PIK3C2G: variants seen among roughly 807,000 people sequenced by gnomAD.
PIK3C2G encodes the protein phosphatidylinositol 3-kinase C2 domain-containing subunit gamma.
A neutral mutation model predicts 181.1 loss-of-function variants in PIK3C2G; 168 were observed. That is an observed-to-expected ratio of 0.93 (90% CI 0.82 to 1.05). The LOEUF (loss-of-function observed/expected upper bound fraction) is 1.05, where lower values mean the gene tolerates loss of function less well. Ranked by LOEUF, PIK3C2G falls within the 50% of genes least tolerant of loss-of-function variation. The probability of loss-of-function intolerance (pLI) is 0.00; values close to 1 mark genes in which losing one functional copy is unlikely to be tolerated. For missense variants in PIK3C2G, 1,869 were observed against 1,732.8 expected, an observed-to-expected ratio of 1.08 and a Z score of -1.40; for synonymous variants, 573 against 592.2, an observed-to-expected ratio of 0.97 and a Z score of 0.47.
intron 1 of PIK3C2G, among the ~76,000 whole-genome samples, chr12:18,254,962 C>A (rs1426342790): frequency 6.6e-6 from 1 of 151,902 alleles, no homozygotes; most frequent in African/African-American, 2.4e-5. Context: ...GGCGCAGTGG[C>A]TCACCCCTGT....
intron 2 of PIK3C2G, chr12:18,285,292 A>G (rs1170758148): frequency 1.3e-5 from 2 of 152,112 alleles, no homozygotes; most frequent in East Asian, 3.9e-4. Context: ...CAAAAACAAA[A>G]TAAAGACATT....
chr12:18,278,177 TG>T (rs1469971707), intron 1 of PIK3C2G, among the ~76,000 whole-genome samples: 1 of 152,226 alleles, frequency 6.6e-6, no homozygotes, highest in Non-Finnish European at 1.5e-5. Context: ...GTTTCAGTTC[TG>T]TAAGTCAGAA....
At chr12:18,624,528 T>C (rs529018248) in intron 31 of PIK3C2G, among the ~76,000 whole-genome samples, 50 of 151,716 alleles carry the variant, frequency 3.3e-4, no homozygotes, top group African/African-American at 1.2e-3. Flanking sequence ...TCTCCCTATA[T>C]TGTAAGGGTA....
chr12:18,722,253 T>G, the PIK3C2G span, among the ~76,000 whole-genome samples: 1 of 152,164 alleles, frequency 6.6e-6, no homozygotes, highest in African/African-American at 2.4e-5. Flanking sequence ...AGCACTCTCT[T>G]AAGATATCCT....
chr12:18,386,963 C>T (rs533328354), intron 14 of PIK3C2G, among the ~76,000 whole-genome samples: 184 of 152,264 alleles, frequency 1.2e-3, no homozygotes, highest in African/African-American at 4.3e-3. Flanking sequence ...AATATAGCCA[C>T]ATACTTGCTG....
At chr12:18,272,954 G>A (rs868642550) in intron 1 of PIK3C2G, among the ~76,000 whole-genome samples, 1 of 151,594 alleles carries the variant, frequency 6.6e-6, no homozygotes, top group Non-Finnish European at 1.5e-5. Flanking sequence ...TTACTTCTAG[G>A]CCTTCCAAGG....
intron 18 of PIK3C2G, among the ~76,000 whole-genome samples, chr12:18,448,969 A>C (rs1269910107): frequency 1.3e-5 from 2 of 151,952 alleles, no homozygotes; most frequent in African/African-American, 4.8e-5. Flanking sequence ...TATCTCTACG[A>C]GGGGTTGACT....
At chr12:18,521,814 G>C (rs1159477009) in intron 24 of PIK3C2G, among the ~76,000 whole-genome samples, 2 of 152,248 alleles carry the variant, frequency 1.3e-5, no homozygotes, top group African/African-American at 4.8e-5. Flanking sequence ...AGCTCAGCAG[G>C]CTTAAGCAGA....
the PIK3C2G span, chr12:18,693,584 T>C: frequency 6.3e-7 from 1 of 1,590,622 alleles, no homozygotes; most frequent in Non-Finnish European, 8.6e-7. Context: ...CGGACGGGAA[T>C]TGTTTCGAGT....
At chr12:18,475,344 A>C (rs1358938001) in intron 18 of PIK3C2G, among the ~76,000 whole-genome samples, 1 of 141,930 alleles carries the variant, frequency 7.0e-6, no homozygotes, top group Non-Finnish European at 1.5e-5. Context: ...ACTAAATAGA[A>C]TCTCTCTCTC....
chr12:18,697,081 A>G, the PIK3C2G span, among the ~76,000 whole-genome samples: 1 of 152,084 alleles, frequency 6.6e-6, no homozygotes, highest in Non-Finnish European at 1.5e-5. Context: ...ATTTTTGAAC[A>G]CAAATTTCAT....
intron 11 of PIK3C2G, among the ~76,000 whole-genome samples, chr12:18,352,143 C>T (rs1245700116): frequency 6.6e-6 from 1 of 152,136 alleles, no homozygotes; most frequent in East Asian, 1.9e-4. Context: ...TTATTTAATC[C>T]TCACACCAGT....
At chr12:18,594,773 A>C (rs1947267409) in intron 30 of PIK3C2G, among the ~76,000 whole-genome samples, 1 of 152,012 alleles carries the variant, frequency 6.6e-6, no homozygotes. Context: ...AGAATTCTAG[A>C]GGTGTGGGGC....
At chr12:18,669,136 A>G in the PIK3C2G span, among the ~76,000 whole-genome samples, 1 of 152,182 alleles carries the variant, frequency 6.6e-6, no homozygotes, top group Non-Finnish European at 1.5e-5. Flanking sequence ...CCTTGTAACA[A>G]TGATTATTTT....
intron 18 of PIK3C2G, among the ~76,000 whole-genome samples, chr12:18,426,397 A>C (rs1256136476): frequency 6.6e-6 from 1 of 152,280 alleles, no homozygotes; most frequent in Non-Finnish European, 1.5e-5. Context: ...TTAAAAACAA[A>C]TTTTGGTTCC....
the PIK3C2G span, chr12:18,692,998 T>C: frequency 7.1e-7 from 1 of 1,406,722 alleles, no homozygotes; most frequent in Non-Finnish European, 1.0e-6. Flanking sequence ...TATCTTCTCA[T>C]GGAGGAAGAA....
intron 31 of PIK3C2G, among the ~76,000 whole-genome samples, chr12:18,618,400 C>T (rs1948699186): frequency 6.6e-6 from 1 of 152,136 alleles, no homozygotes; most frequent in Non-Finnish European, 1.5e-5. Flanking sequence ...ACAAAAAAGC[C>T]TTTGCAAATT....
upstream of PIK3C2G, among the ~76,000 whole-genome samples, chr12:18,256,817 T>C (rs937067155): frequency 2.6e-5 from 4 of 152,154 alleles, no homozygotes; most frequent in Non-Finnish European, 5.9e-5. Context: ...TTCATTTTTT[T>C]TATTATGCTA....
the PIK3C2G span, chr12:18,693,736 T>A: frequency 6.5e-6 from 10 of 1,536,670 alleles, no homozygotes; most frequent in Non-Finnish European, 3.6e-6. Flanking sequence ...ATGGATTTGA[T>A]TCTAGGGTAG....
Sources: gnomAD v4.1 joint callset for allele counts (sites outside exome capture counted in the v4.1 genomes callset) on GRCh38, gnomAD v4.1.1 for gene constraint, MANE v1.5 for transcripts, NCBI Gene and HGNC (gene_info 2026-07-23, HGNC 2026-07-21) for gene names.